The following MAML3 variants were observed in gnomAD, a reference collection of about 807,000 sequenced individuals.
MAML3 encodes the protein mastermind like transcriptional coactivator 3, also known as mastermind-like protein 3.
A neutral mutation model predicts 101.9 loss-of-function variants in MAML3; 27 were observed. That is an observed-to-expected ratio of 0.27 (90% CI 0.20 to 0.37). MAML3 has a LOEUF of 0.37. Among genes scored for constraint, MAML3 ranks in the 10% least tolerant of loss-of-function variants. MAML3 has a pLI of 1.00. For missense variants in MAML3, 1,316 were observed against 1,444.9 expected, an observed-to-expected ratio of 0.91 and a Z score of 1.45; for synonymous variants, 501 against 555.9, an observed-to-expected ratio of 0.90 and a Z score of 1.39.
At chr4:139,836,779 A>G (rs1731261113) in intron 2 of MAML3, among the ~76,000 whole-genome samples, 1 of 152,058 alleles carries the variant, frequency 6.6e-6, no homozygotes. Context: ...CTATTTGGCT[A>G]TTTCTCTTAG....
At chr4:139,939,927 G>A (rs748918286) in intron 1 of MAML3, among the ~76,000 whole-genome samples, 12 of 152,030 alleles carry the variant, frequency 7.9e-5, no homozygotes, top group Non-Finnish European at 1.6e-4. Context: ...ACCACACCCA[G>A]CTAATTTTTT....
rs1400423842 is a variant in MAML3 at position 139,984,195 on chromosome 4, G to T, written c.469-93228C>A. ...TAAGATCAGTTATTGCTGATGACAG[G>T]TCAACAGTGTGGCGTTGAGAATAGA... On this transcript the variant is annotated intron_variant, in intron 1 of 4. Transcript: ENST00000509479. Among the ~76,000 whole-genome samples, 4 of 152,114 alleles carry T rather than the reference G, an allele frequency of 2.6e-5. No individual in the cohort carries two copies. In the East Asian group the frequency reaches 7.7e-4, roughly 29 times the overall value.
chr4:140,140,712 C>T (rs182846288), intron 1 of MAML3, among the ~76,000 whole-genome samples: 8 of 152,356 alleles, frequency 5.3e-5, no homozygotes, highest in Admixed American at 5.2e-4. Flanking sequence ...GAATCACGTA[C>T]ATTCCCACCC....
At chr4:140,034,932 A>G (rs1023597571) in intron 1 of MAML3, among the ~76,000 whole-genome samples, 2 of 152,220 alleles carry the variant, frequency 1.3e-5, no homozygotes, top group African/African-American at 4.8e-5. Flanking sequence ...GTTACCAGAC[A>G]CAAGCTAAAA....
At chr4:140,131,094 G>T (rs1324408762) in intron 1 of MAML3, among the ~76,000 whole-genome samples, 1 of 152,132 alleles carries the variant, frequency 6.6e-6, no homozygotes, top group African/African-American at 2.4e-5. Context: ...ATTATCTGCT[G>T]GCCAAAACCC....
chr4:139,836,899 G>A (rs1170787897), intron 2 of MAML3, among the ~76,000 whole-genome samples: 1 of 152,074 alleles, frequency 6.6e-6, no homozygotes, highest in Non-Finnish European at 1.5e-5. Flanking sequence ...AAGGAGGGCA[G>A]ATCACCTGAG....
chr4:139,782,287 C>T (rs900883989), intron 2 of MAML3, among the ~76,000 whole-genome samples: 4 of 152,128 alleles, frequency 2.6e-5, no homozygotes, highest in African/African-American at 7.2e-5. Context: ...CTCAGCCTCT[C>T]GAGTAGCTTG....
chr4:139,752,511 C>T (rs1374739862), intron 2 of MAML3, among the ~76,000 whole-genome samples: 1 of 152,170 alleles, frequency 6.6e-6, no homozygotes, highest in Admixed American at 6.5e-5. Context: ...CCACCGTCTT[C>T]TTTGGGGTCA....
intron 1 of MAML3, among the ~76,000 whole-genome samples, chr4:139,974,399 C>G (rs1204934325): frequency 1.3e-5 from 2 of 152,098 alleles, no homozygotes; most frequent in East Asian, 3.9e-4. Context: ...GCCACCGCGC[C>G]CGGCCATTTA....
At chr4:139,929,868 T>C (rs1733344892) in intron 1 of MAML3, among the ~76,000 whole-genome samples, 1 of 152,130 alleles carries the variant, frequency 6.6e-6, no homozygotes, top group Non-Finnish European at 1.5e-5. Flanking sequence ...AAGCAACTTT[T>C]CTTCTATTCG....
chr4:140,027,107 G>A (rs1156724902), intron 1 of MAML3, among the ~76,000 whole-genome samples: 3 of 151,046 alleles, frequency 2.0e-5, no homozygotes, highest in African/African-American at 7.3e-5. Context: ...AGTTTGCACT[G>A]GCTGAGCCCA....
chr4:140,052,815 G>A (rs994790159), intron 1 of MAML3, among the ~76,000 whole-genome samples: 2 of 152,056 alleles, frequency 1.3e-5, no homozygotes, highest in Admixed American at 6.6e-5. Context: ...GATTACAGGC[G>A]TAAGCCACCG....
chr4:139,825,135 A>G (rs567536937), intron 2 of MAML3, among the ~76,000 whole-genome samples: 13 of 152,252 alleles, frequency 8.5e-5, no homozygotes, highest in African/African-American at 3.1e-4. Context: ...GGTAGAAGAC[A>G]GTGGCTTCAG....
rs192963723 is a variant in MAML3, at chr4:140,000,838, A to C, written c.469-109871T>G. Among the ~76,000 whole-genome samples, 55 of 152,028 alleles carry C rather than the reference A, an allele frequency of 3.6e-4. 2 individuals carry two copies. The East Asian group carries it at 0.011, about 29-fold the overall frequency. ...AGGTCAGGAGTTCAAGACCAGCCTG[A>C]CCCACATGGAGAAACCCCATCTCTA... On this transcript the variant is annotated intron_variant, in intron 1 of 4. Coordinates refer to ENST00000509479, the MANE Select transcript of MAML3 (RefSeq NM_018717.5).
intron 1 of MAML3, among the ~76,000 whole-genome samples, chr4:139,926,802 T>A (rs1389430338): frequency 6.6e-6 from 1 of 152,226 alleles, no homozygotes; most frequent in Non-Finnish European, 1.5e-5. Context: ...ATTATCCTCA[T>A]ACAATACTAT....
intron 1 of MAML3, among the ~76,000 whole-genome samples, chr4:139,936,630 A>G (rs1274796727): frequency 1.3e-5 from 2 of 152,160 alleles, no homozygotes; most frequent in Non-Finnish European, 2.9e-5. Flanking sequence ...CCAGGAGTTC[A>G]AGGCTGCAAT....
At chr4:139,817,978 G>A (rs1320383692) in intron 2 of MAML3, among the ~76,000 whole-genome samples, 1 of 152,192 alleles carries the variant, frequency 6.6e-6, no homozygotes, top group African/African-American at 2.4e-5. Context: ...TGCTGGTATA[G>A]TGGTTTTCAA....
intron 2 of MAML3, among the ~76,000 whole-genome samples, chr4:139,755,660 AAGAG>A (rs1729633394): frequency 6.6e-6 from 1 of 152,190 alleles, no homozygotes; most frequent in South Asian, 2.1e-4. Context: ...CAGAAAAAGA[AAGAG>A]AAAGAGTGAG....
chr4:139,719,954 T>C lies in MAML3; in HGVS notation c.2786A>G (p.His929Arg), dbSNP rs1728162541. The change falls in exon 5 of 5, where the codon CAT becomes CGT. Residue 929 changes from histidine (H) to arginine (R), a missense_variant. His to Arg is a conservative substitution (Grantham distance 29). Transcript: ENST00000509479. Reference sequence around the variant, plus strand: ...GCCTACTGGCCCTTTCATCTGTGGATGTTGCTGGGTAATGGCTGAGTTCAC... The same window carrying C: ...GCCTACTGGCCCTTTCATCTGTGGACGTTGCTGGGTAATGGCTGAGTTCAC... ...MLVNSAITQQ[H>R]PQMKGPVGQA... 6.2e-7 allele frequency: 1 copy of C among 1,614,096 alleles called. No individual in the cohort carries two copies. The highest frequency in any genetic ancestry group is 2.2e-5 in the East Asian group (1 of 44,886).
Sources: gnomAD v4.1 joint callset for allele counts (sites outside exome capture counted in the v4.1 genomes callset) on GRCh38, gnomAD v4.1.1 for gene constraint, MANE v1.5 for transcripts, NCBI Gene and HGNC (gene_info 2026-07-23, HGNC 2026-07-21) for gene names.